Variants in CMIP observed in about 807,000 individuals in gnomAD.
CMIP encodes C-Maf-inducing protein.
In CMIP, 13 loss-of-function variants were observed where a neutral mutation model predicts 97.3. The ratio of observed to expected loss-of-function variants is 0.13; its 90% CI spans 0.09 to 0.21. CMIP has a LOEUF of 0.21. Among genes scored for constraint, CMIP ranks in the 10% least tolerant of loss-of-function variants. The pLI is 1.00. For synonymous variants in CMIP, 538 were observed against 436.3 expected (o/e 1.23, Z -2.91); for missense variants, 847 against 1,024.9 (o/e 0.83, Z 2.37).
At chr16:81,664,201 C>G in intron 6 of CMIP, 68 bp from the exon 7 acceptor site, 1 of 1,466,456 alleles carries the variant, frequency 6.8e-7, no homozygotes, top group East Asian at 2.5e-5. Context: ...CCCAGCCCTG[C>G]TAGCAGCCAC....
chr16:81,529,480 G>C (rs75584947), intron 1 of CMIP, among the ~76,000 whole-genome samples: 8,056 of 152,276 alleles, frequency 0.053, 247 homozygotes, highest in Middle Eastern at 0.085. Context: ...CTGTGGGGCA[G>C]TGAGATCTGT....
intron 1 of CMIP, among the ~76,000 whole-genome samples, chr16:81,477,286 C>T (rs569806363): frequency 1.4e-4 from 22 of 152,030 alleles, no homozygotes; most frequent in Non-Finnish European, 1.8e-4. Flanking sequence ...TCCTGAGTAG[C>T]GGGGATTACA....
At chr16:81,703,574 GAC>G (rs367727424) in intron 17 of CMIP, among the ~76,000 whole-genome samples, 47 of 150,956 alleles carry the variant, frequency 3.1e-4, no homozygotes, top group African/African-American at 1.0e-3. Flanking sequence ...CGTGCACACA[GAC>G]ACACACAGAT....
chr16:81,531,237 CA>C (rs2090229382), intron 1 of CMIP, among the ~76,000 whole-genome samples: 1 of 152,156 alleles, frequency 6.6e-6, no homozygotes, highest in South Asian at 2.1e-4. Context: ...CGTGTGACAG[CA>C]GAGACAGATT....
chr16:81,533,030 C>T (rs530847155), intron 1 of CMIP, among the ~76,000 whole-genome samples: 2 of 152,158 alleles, frequency 1.3e-5, no homozygotes, highest in Non-Finnish European at 2.9e-5. Context: ...TCCCTCCTGT[C>T]TCCTGTCAGA....
At chr16:81,692,917 A>G (rs1228518836) in intron 11 of CMIP, among the ~76,000 whole-genome samples, 2 of 152,186 alleles carry the variant, frequency 1.3e-5, no homozygotes, top group African/African-American at 2.4e-5. Flanking sequence ...GTGTGGGCAC[A>G]GGGAACTTTC....
chr16:81,538,306 C>T (rs902863299), intron 1 of CMIP, among the ~76,000 whole-genome samples: 9 of 152,136 alleles, frequency 5.9e-5, no homozygotes, highest in African/African-American at 7.2e-5. Flanking sequence ...AGGCGGCCCC[C>T]GGCGGTGGCT....
At chr16:81,632,851 G>A (rs908508355) in intron 3 of CMIP, among the ~76,000 whole-genome samples, 1 of 152,196 alleles carries the variant, frequency 6.6e-6, no homozygotes, top group African/African-American at 2.4e-5. Flanking sequence ...CCAGCCTTGG[G>A]CTTTGGGACA....
At chr16:81,592,892 G>C (rs2091487619) in intron 1 of CMIP, among the ~76,000 whole-genome samples, 1 of 152,202 alleles carries the variant, frequency 6.6e-6, no homozygotes, top group African/African-American at 2.4e-5. Flanking sequence ...CATGTGACTT[G>C]GCAGTTGGAA....
chr16:81,687,357 C>G (rs1464585958), intron 10 of CMIP, among the ~76,000 whole-genome samples: 1 of 152,186 alleles, frequency 6.6e-6, no homozygotes, highest in Non-Finnish European at 1.5e-5. Context: ...GCTCCAGTGG[C>G]CACCCCTCAC....
chr16:81,477,361 A>C (rs550994285), intron 1 of CMIP, among the ~76,000 whole-genome samples: 1 of 152,140 alleles, frequency 6.6e-6, no homozygotes. Context: ...GGGTTTCACC[A>C]TGTTGGCCAG....
intron 1 of CMIP, among the ~76,000 whole-genome samples, chr16:81,461,527 A>G (rs936284459): frequency 5.3e-5 from 8 of 152,214 alleles, no homozygotes; most frequent in East Asian, 1.9e-4. Flanking sequence ...TTGGCATGCA[A>G]CGGGGACCCT....
intron 7 of CMIP, chr16:81,664,594 G>A (rs1198074721): frequency 1.9e-5 from 11 of 585,504 alleles, no homozygotes; most frequent in African/African-American, 1.7e-4. Flanking sequence ...AGCTGGAGGA[G>A]AAGAGGAAAG....
intron 3 of CMIP, among the ~76,000 whole-genome samples, chr16:81,635,786 G>A (rs1169443817): frequency 1.3e-5 from 2 of 152,052 alleles, no homozygotes; most frequent in Admixed American, 1.3e-4. Flanking sequence ...CCCATTTGGG[G>A]GAGGGGGGGA....
intron 1 of CMIP, chr16:81,606,878 GC>G (rs2091752217): frequency 6.5e-6 from 1 of 155,010 alleles, no homozygotes; most frequent in Non-Finnish European, 1.5e-5. Flanking sequence ...GAGTAGAAGC[GC>G]AGATGCCAGG....
In CMIP at chr16:81,645,911, C is replaced by T. The variant is rs1597189112; in HGVS notation, c.478-6292C>T. The T allele has an allele frequency of 3.5e-5, 16 of 454,060 alleles. No homozygotes were observed. In the East Asian group the frequency reaches 6.3e-4, roughly 18 times the overall value. The allele number at this position is 454,060 out of a possible 1,614,324, so 28.1% of individuals were successfully genotyped here. Reference sequence around the variant, plus strand: ...TTATCCTGATTTGCAGACAAGGAAACTGGTGCAAGTAATAGACTGTAAGTT... The same window carrying T: ...TTATCCTGATTTGCAGACAAGGAAATTGGTGCAAGTAATAGACTGTAAGTT... On this transcript the variant is annotated intron_variant, in intron 3 of 20. Coordinates refer to ENST00000537098, the MANE Select transcript of CMIP (RefSeq NM_198390.3).
chr16:81,662,007 G>A (rs1567642362), intron 6 of CMIP, among the ~76,000 whole-genome samples: 1 of 152,166 alleles, frequency 6.6e-6, no homozygotes, highest in African/African-American at 2.4e-5. Flanking sequence ...GTGTGTGTGT[G>A]TGTATACAGG....
At chr16:81,463,993 G>GAA (rs1488846010) in intron 1 of CMIP, 2 of 152,368 alleles carry the variant, frequency 1.3e-5, no homozygotes, top group Non-Finnish European at 1.5e-5. Flanking sequence ...CCAAGCTTGA[G>GAA]TGCAGCCAGG....
At chr16:81,544,622 A>ATGTGTGCATGTG in intron 1 of CMIP, among the ~76,000 whole-genome samples, 1 of 150,144 alleles carries the variant, frequency 6.7e-6, no homozygotes, top group South Asian at 2.1e-4. Flanking sequence ...ACAGGGGTGC[A>ATGTGTGCATGTG]TGTGTGCATG....
Sources: allele counts gnomAD v4.1 joint callset (sites outside exome capture counted in the v4.1 genomes callset), GRCh38; gene constraint gnomAD v4.1.1; transcripts MANE v1.5; gene names NCBI Gene and HGNC (gene_info 2026-07-23, HGNC 2026-07-21).